The following COL18A1 variants were observed in gnomAD, a reference collection of about 807,000 sequenced individuals.
The protein encoded by COL18A1 is collagen alpha-1(XVIII) chain.
In COL18A1, 133 loss-of-function variants were observed where a neutral mutation model predicts 168.0. That is an observed-to-expected ratio of 0.79 (90% confidence interval 0.69 to 0.91). The LOEUF is 0.91. COL18A1 is among the 40% of genes least tolerant of loss of function. The pLI is 0.00. For missense variants in COL18A1, 2,126 were observed against 1,925.4 expected (o/e 1.10, Z -1.95); for synonymous variants, 949 against 809.0 (o/e 1.17, Z -2.94).
rs376740252 is a variant in COL18A1 at position 45,490,616 on chromosome 21, T to C, written c.2032-220T>C. 4.1e-3 allele frequency among the ~76,000 whole-genome samples: 524 copies of C among 129,004 alleles called. 6 individuals carry two copies. The highest frequency in any genetic ancestry group is 0.013 in the African/African-American group (441 of 34,182). The allele number at this position is 129,004 out of a possible 152,430, so 84.6% of individuals were successfully genotyped here. On this transcript the variant is annotated intron_variant, in intron 20 of 41. Transcript: ENST00000651438. ...TGTGCCCTCCCGGGTCCCTGGGCCTTCGTGTGCCCTCCCAGGTCTCTGGGC... is the reference window on the plus strand; with the variant it reads ...TGTGCCCTCCCGGGTCCCTGGGCCTCCGTGTGCCCTCCCAGGTCTCTGGGC...
At chr21:45,431,643 C>T (rs1467459698) in intron 2 of COL18A1, among the ~76,000 whole-genome samples, 1 of 151,928 alleles carries the variant, frequency 6.6e-6, no homozygotes, top group African/African-American at 2.4e-5. Flanking sequence ...CTGACCGATT[C>T]CTGGAAGCCC....
intron 2 of COL18A1, among the ~76,000 whole-genome samples, chr21:45,418,711 C>T (rs925633921): frequency 1.3e-5 from 2 of 150,316 alleles, no homozygotes; most frequent in Non-Finnish European, 1.5e-5. Context: ...GCCTCCCAGC[C>T]ACCTCACGTC....
At chr21:45,414,793 G>C (rs2033395589) in intron 2 of COL18A1, among the ~76,000 whole-genome samples, 1 of 152,222 alleles carries the variant, frequency 6.6e-6, no homozygotes, top group Non-Finnish European at 1.5e-5. Flanking sequence ...GCCGAATACT[G>C]ACCCCGAGCT....
chr21:45,457,285 C>T lies in COL18A1; in HGVS notation c.107-10957C>T, dbSNP rs971043204. Among the ~76,000 whole-genome samples, 6 of 152,232 alleles carry T rather than the reference C, an allele frequency of 3.9e-5. No individual in the cohort carries two copies. Among genetic ancestry groups the T allele is most frequent in the South Asian group, 2.1e-4 (1 of 4,832 alleles). On this transcript the variant is annotated intron_variant, in intron 2 of 41. Transcript: ENST00000651438. The surrounding 1 kb of genome is among the most constrained non-coding windows in gnomAD (Gnocchi z 4.6). ...AGGTGTGGCTGCATCGACCTTGCTC[C>T]GGTCACTAAGCTGCACGGTTCGATG... is the stretch of plus-strand genomic sequence containing the variant.
chr21:45,495,708 G>A (rs7275525), intron 29 of COL18A1: 118,798 of 437,178 alleles, frequency 0.27, 17,342 homozygotes, highest in African/African-American at 0.46. Context: ...ATACACACGC[G>A]CACACATACA....
chr21:45,460,577 T>G (rs2035007711), intron 2 of COL18A1, among the ~76,000 whole-genome samples: 1 of 152,256 alleles, frequency 6.6e-6, no homozygotes, highest in Non-Finnish European at 1.5e-5. Flanking sequence ...GGCCAGCCAC[T>G]GGCACACAGG....
intron 2 of COL18A1, among the ~76,000 whole-genome samples, chr21:45,428,353 ATGGGGTCTC>A (rs1229072012): frequency 6.6e-6 from 1 of 152,148 alleles, no homozygotes. Context: ...GTGGCCAAGG[ATGGGGTCTC>A]TGGGATCAGG....
In COL18A1 at chr21:45,423,486, C is replaced by T. The variant is rs1037003842; in HGVS notation, c.106+18013C>T. Among the ~76,000 whole-genome samples the T allele has an allele frequency of 6.2e-5, 9 of 145,308 alleles. No individual in the cohort carries two copies. Among genetic ancestry groups the T allele is most frequent in the South Asian group, 4.5e-4 (2 of 4,404 alleles). On this transcript the variant is annotated intron_variant, in intron 2 of 41. Coordinates refer to ENST00000651438, the MANE Select transcript of COL18A1 (RefSeq NM_001379500.1). The surrounding 1 kb of genome is among the most constrained non-coding windows in gnomAD (Gnocchi z 4.0). The stretch of plus-strand genomic sequence containing the variant: ...CTGTGTCCACACACAGCTGGGCGCC[C>T]GCCCCCCGCCCCCCGCCCCCCGGAG...
intron 36 of COL18A1, among the ~76,000 whole-genome samples, 176 bp from the exon 37 acceptor site, chr21:45,505,662 A>G (rs1359661486): frequency 6.6e-6 from 1 of 152,166 alleles, no homozygotes; most frequent in Non-Finnish European, 1.5e-5. Context: ...ACGGAGGCGC[A>G]GGAGCTGGCG....
At chr21:45,478,743 G>T (rs1005654962) in intron 9 of COL18A1, among the ~76,000 whole-genome samples, 1 of 152,108 alleles carries the variant, frequency 6.6e-6, no homozygotes, top group Non-Finnish European at 1.5e-5. Flanking sequence ...CGCAAAACAC[G>T]CAGTTCAGTC....
chr21:45,469,885 C>T (rs1024210384), intron 3 of COL18A1, among the ~76,000 whole-genome samples: 3 of 152,200 alleles, frequency 2.0e-5, no homozygotes, highest in Non-Finnish European at 4.4e-5. Context: ...GCCGCTAGGA[C>T]GTTGACACCA....
At chr21:45,427,332 C>A (rs2033833763) in intron 2 of COL18A1, among the ~76,000 whole-genome samples, 1 of 152,178 alleles carries the variant, frequency 6.6e-6, no homozygotes, top group Admixed American at 6.5e-5. Flanking sequence ...TGGGGCAATT[C>A]TTAAGGCTGG....
rs550560458 is a variant in COL18A1 at position 45,505,969 on chromosome 21, G to A, written c.3216+3G>A. On this transcript the variant is annotated splice_donor_region_variant and intron_variant, in intron 37 of 41. Transcript: ENST00000651438. ...AGAACGGGTTCCGGAAGGTCCAGGT[G>A]AGCGCTCTGTGTGACGGGTTCTGGA... The A allele has an allele frequency of 6.2e-7, 1 of 1,613,096 alleles. No individual in the cohort carries two copies. Among genetic ancestry groups the A allele is most frequent in the South Asian group, 1.1e-5 (1 of 91,078 alleles).
At chr21:45,437,677 G>A (rs188565767) in intron 2 of COL18A1, among the ~76,000 whole-genome samples, 2 of 28,324 alleles carry the variant, frequency 7.1e-5, no homozygotes, top group Non-Finnish European at 6.2e-5. Flanking sequence ...CAGACACACA[G>A]GCACTCTCCT....
rs771685609 is a variant in COL18A1, at chr21:45,468,463, G to A, written c.328G>A (p.Ala110Thr). Residue 110 changes from alanine (A) to threonine (T), a missense_variant, in exon 3 of 42, where the codon GCC becomes ACC. Coordinates refer to ENST00000651438, the MANE Select transcript of COL18A1 (RefSeq NM_001379500.1). ...CACAGAGGGCCCAGGGGTGCTGTTC[G>A]CCATCACGGACTCGGCGCAGGCCAT... The part of the protein sequence containing the change: ...PATEGPGVLF[A>T]ITDSAQAMVL... The A allele has an allele frequency of 1.1e-5, 17 of 1,613,942 alleles. No individual in the cohort carries two copies. The highest frequency in any genetic ancestry group is 1.1e-5 in the Non-Finnish European group (13 of 1,180,038).
intron 20 of COL18A1, 60 bp downstream of exon 20, chr21:45,490,406 C>T: frequency 7.1e-7 from 1 of 1,405,924 alleles, no homozygotes; most frequent in South Asian, 1.2e-5. Context: ...AGGGACTATG[C>T]TAAGATGAAA....
intron 15 of COL18A1, among the ~76,000 whole-genome samples, chr21:45,484,926 A>C (rs1463910013): frequency 6.6e-6 from 1 of 152,232 alleles, no homozygotes; most frequent in Non-Finnish European, 1.5e-5. Flanking sequence ...AACATGAATG[A>C]GAATTCTAGA....
At chr21:45,497,003 A>C (rs1602561852) in intron 30 of COL18A1, 47 bp from the exon 31 acceptor site, 1 of 1,463,028 alleles carries the variant, frequency 6.8e-7, no homozygotes, top group Non-Finnish European at 9.6e-7. Context: ...GGTGGCCTCC[A>C]TTTCAGAACA....
chr21:45,508,929 C>T (rs948466376), intron 38 of COL18A1, among the ~76,000 whole-genome samples: 1 of 152,070 alleles, frequency 6.6e-6, no homozygotes, highest in Non-Finnish European at 1.5e-5. Flanking sequence ...TAGGGGCATC[C>T]GGACTGGGGT....
Sources: allele counts gnomAD v4.1 joint callset (sites outside exome capture counted in the v4.1 genomes callset), GRCh38; gene constraint gnomAD v4.1.1; non-coding constraint Gnocchi (gnomAD v3.1); transcripts MANE v1.5; gene names NCBI Gene and HGNC (gene_info 2026-07-23, HGNC 2026-07-21).